The following WDR3 variants were observed in gnomAD, a reference collection of about 807,000 sequenced individuals.
WDR3 encodes WD repeat-containing protein 3.
In WDR3, 81 loss-of-function variants were observed where a neutral mutation model predicts 123.7. That is an observed-to-expected ratio of 0.65 (90% CI 0.55 to 0.79). The LOEUF is 0.79. WDR3 is among the 30% of genes least tolerant of loss of function. WDR3 has a pLI of 0.00. For missense variants in WDR3, 1,027 were observed against 1,123.2 expected (o/e 0.91, Z 1.22); for synonymous variants, 390 against 388.8 (o/e 1.00, Z -0.04).
Position 117,961,566 on chromosome 1 carries a change from T to A in WDR3, c.*2119T>A, listed in dbSNP as rs1452814138. On this transcript the variant is annotated 3_prime_UTR_variant, in exon 27 of 27. Coordinates refer to ENST00000349139, the MANE Select transcript of WDR3 (RefSeq NM_006784.3). The stretch of plus-strand genomic sequence containing the variant: ...GTTGTTAATCCCAAAGATTTAAAAC[T>A]ATGGTTTCTGTCTGAATTTGGTCAT... 6.6e-6 allele frequency: 1 copy of A among 152,228 alleles called. No individual in the cohort carries two copies. The highest frequency in any genetic ancestry group is 1.5e-5 in the Non-Finnish European group (1 of 68,032). The allele number at this position is 152,228 out of a possible 1,614,324, so 9.4% of individuals were successfully genotyped here.
intron 16 of WDR3, among the ~76,000 whole-genome samples, chr1:117,951,713 G>C (rs1220495118): frequency 6.6e-6 from 1 of 152,000 alleles, no homozygotes; most frequent in East Asian, 1.9e-4. Flanking sequence ...GAAGTAAATA[G>C]ATAACCCTAT....
At chr1:117,936,997 T>C (rs960877070) in intron 4 of WDR3, 110 bp downstream of exon 4, 12 of 765,258 alleles carry the variant, frequency 1.6e-5, no homozygotes, top group African/African-American at 1.4e-4. Flanking sequence ...GCATTAGTTT[T>C]CTCTCCTGTT....
rs375916593 is a variant in WDR3 at position 117,939,681 on chromosome 1, C to A, written c.675+109C>A. 173 of 1,057,204 alleles carry A rather than the reference C, an allele frequency of 1.6e-4. 2 individuals are homozygous for A. In the East Asian group the frequency reaches 1.9e-3, roughly 12 times the overall value. The allele number at this position is 1,057,204 out of a possible 1,614,324, so 65.5% of individuals were successfully genotyped here. On this transcript the variant is annotated intron_variant, in intron 6 of 26. Transcript: ENST00000349139. The stretch of plus-strand genomic sequence containing the variant: ...ACTTCACATCATATTAGAAGGAATT[C>A]TATCACACCAATAACCTGCAACACT...
rs1392496135 is a variant in WDR3 at position 117,961,623 on chromosome 1, A to G, written c.*2176A>G. The G allele has an allele frequency of 1.3e-5, 2 of 152,058 alleles. No individual in the cohort carries two copies. Among genetic ancestry groups the G allele is most frequent in the African/African-American group, 4.8e-5 (2 of 41,392 alleles). The allele number at this position is 152,058 out of a possible 1,614,324, so 9.4% of individuals were successfully genotyped here. On this transcript the variant is annotated 3_prime_UTR_variant, in exon 27 of 27. Transcript: ENST00000349139. ...CAAGTTACTGTGTTGTGGGGCCACC[A>G]TTTTCTTCTAGGCTCAGATATGCAG...
Position 117,940,853 on chromosome 1 carries a change from C to T in WDR3, c.702C>T (p.Pro234=). Residue 234 remains proline, a synonymous_variant, in exon 7 of 27, where the codon CCC becomes CCT. Transcript: ENST00000349139. Reference sequence around the variant, plus strand: ...TTGAAGACCCGGAAGAACCAGACCCCAAGAAAATCAAAGGATCTTCTCCTG... The same window carrying T: ...TTGAAGACCCGGAAGAACCAGACCCTAAGAAAATCAAAGGATCTTCTCCTG... ...QEIEDPEEPD[P]KKIKGSSPGI... The T allele has an allele frequency of 6.2e-7, 1 of 1,613,550 alleles. No homozygotes were observed. The highest frequency in any genetic ancestry group is 8.5e-7 in the Non-Finnish European group (1 of 1,179,882).
Position 117,952,984 on chromosome 1 carries a change from A to C in WDR3, c.2190A>C (p.Glu730Asp). 6.2e-7 allele frequency: 1 copy of C among 1,613,166 alleles called. No homozygotes were observed. Among genetic ancestry groups the C allele is most frequent in the South Asian group, 1.1e-5 (1 of 91,030 alleles). ...EAEYEESVAKEDQPAVPGETQ... is the reference protein window; with the variant it reads ...EAEYEESVAKDDQPAVPGETQ... ...AATATGAGGAGAGTGTGGCCAAAGA[A>C]GACCAACCAGCAGTAAGTAAATTTT... Residue 730 changes from glutamate (E) to aspartate (D), a missense_variant, in exon 20 of 27, where the codon GAA becomes GAC. Glu to Asp is a conservative substitution (Grantham distance 45). Coordinates refer to ENST00000349139, the MANE Select transcript of WDR3 (RefSeq NM_006784.3).
intron 3 of WDR3, among the ~76,000 whole-genome samples, chr1:117,936,533 A>C (rs1440283307): frequency 6.6e-6 from 1 of 152,184 alleles, no homozygotes; most frequent in Admixed American, 6.5e-5. Flanking sequence ...TTAGTCTTCT[A>C]ATAGGAAAAT....
chr1:117,948,569 G>A (rs1180207385), intron 13 of WDR3, 63 bp downstream of exon 13: 13 of 1,275,684 alleles, frequency 1.0e-5, no homozygotes, highest in Middle Eastern at 2.3e-4. Flanking sequence ...TTTCTCTCAG[G>A]GTTTCTTTAA....
intron 13 of WDR3, among the ~76,000 whole-genome samples, chr1:117,949,168 A>G (rs1651512257): frequency 6.6e-6 from 1 of 152,134 alleles, no homozygotes; most frequent in African/African-American, 2.4e-5. Context: ...TAAATCTTGC[A>G]TTTGTAGAGT....
chr1:117,940,848 G>A lies in WDR3; in HGVS notation c.697G>A (p.Asp233Asn), dbSNP rs1251139096. Residue 233 changes from aspartate to asparagine, a missense_variant, in exon 7 of 27, where the codon GAC (aspartate) becomes AAC (asparagine). By Grantham distance (23) the Asp-to-Asn change is conservative. Transcript: ENST00000349139. Reference protein sequence around the residue: ...LQEIEDPEEPDPKKIKGSSPG... With the variant: ...LQEIEDPEEPNPKKIKGSSPG... ...ACAGATTGAAGACCCGGAAGAACCA[G>A]ACCCCAAGAAAATCAAAGGATCTTC... 6.2e-7 allele frequency: 1 copy of A among 1,613,336 alleles called. No individual in the cohort carries two copies. Among genetic ancestry groups the A allele is most frequent in the Non-Finnish European group, 8.5e-7 (1 of 1,179,872 alleles).
intron 13 of WDR3, 94 bp downstream of exon 13, chr1:117,948,600 T>C: frequency 1.1e-6 from 1 of 918,162 alleles, no homozygotes; most frequent in Non-Finnish European, 1.6e-6. Flanking sequence ...AGGTTTTTTT[T>C]TTTTTTTGGT....
At position 117,966,426 on chromosome 1, in the gene WDR3, A is replaced by T. The variant is rs570470151; in HGVS notation, c.*6979A>T. On this transcript the variant is annotated 3_prime_UTR_variant, in exon 27 of 27. Transcript: ENST00000349139. ...ACTGCACATATACTATGTGTCAGGT[A>T]TTTTTTTAGATTTGGCTAGGTGCTT... The T allele has an allele frequency of 3.9e-6, 2 of 508,290 alleles. No homozygotes were observed. Among genetic ancestry groups the T allele is most frequent in the South Asian group, 9.3e-5 (2 of 21,474 alleles). The allele number at this position is 508,290 out of a possible 1,614,324, so 31.5% of individuals were successfully genotyped here.
At chr1:117,936,919 T>C (rs1258822320) in intron 4 of WDR3, 32 bp downstream of exon 4, 1 of 1,583,010 alleles carries the variant, frequency 6.3e-7, no homozygotes, top group Non-Finnish European at 8.7e-7. Context: ...TTCCAGTTAT[T>C]TTCTAGGAAG....
intron 1 of WDR3, among the ~76,000 whole-genome samples, chr1:117,932,974 C>G (rs886666754): frequency 1.3e-5 from 2 of 149,724 alleles, no homozygotes; most frequent in Non-Finnish European, 3.0e-5. Context: ...GCGGATGGAT[C>G]ACTTGAGGTG....
At chr1:117,932,600 T>A (rs576688586) in intron 1 of WDR3, among the ~76,000 whole-genome samples, 4 of 152,288 alleles carry the variant, frequency 2.6e-5, no homozygotes, top group African/African-American at 9.6e-5. Context: ...GTCTAATTGG[T>A]AGGTTTTCAA....
At chr1:117,953,644 A>C (rs1297219634) in intron 21 of WDR3, 103 bp downstream of exon 21, 1 of 1,132,558 alleles carries the variant, frequency 8.8e-7, no homozygotes, top group Non-Finnish European at 1.3e-6. Context: ...TTTGGCAAAA[A>C]GTTGATGAGA....
rs1180146382 is a variant in WDR3, at chr1:117,960,130, G to GTT, written c.*684_*685insTT. On this transcript the variant is annotated 3_prime_UTR_variant, in exon 27 of 27. Transcript: ENST00000349139. ...CACTCGTGTGTGTGTGTGTGTGTGT[G>GTT]TGTGTGTGTGTGTGTGTATGTGTAT... is the stretch of plus-strand genomic sequence containing the variant. The GTT allele has an allele frequency of 6.8e-6, 1 of 147,758 alleles. No homozygotes were observed. Among genetic ancestry groups the GTT allele is most frequent in the East Asian group, 2.0e-4 (1 of 5,106 alleles). The allele number at this position is 147,758 out of a possible 1,614,324, so 9.2% of individuals were successfully genotyped here.
intron 4 of WDR3, 95 bp from the exon 5 acceptor site, chr1:117,938,385 T>A (rs1158450191): frequency 5.3e-6 from 5 of 942,522 alleles, no homozygotes; most frequent in Non-Finnish European, 8.1e-6. Context: ...GAAGCATATG[T>A]TCCTTTTAAA....
In WDR3 at chr1:117,959,557, C is replaced by T; in HGVS notation, c.*110C>T. The T allele has an allele frequency of 8.5e-7, 1 of 1,181,628 alleles. No homozygotes were observed. The highest frequency in any genetic ancestry group is 1.1e-6 in the Non-Finnish European group (1 of 878,064). The allele number at this position is 1,181,628 out of a possible 1,614,324, so 73.2% of individuals were successfully genotyped here. Reference sequence around the variant, plus strand: ...AAAAATACCAAATAACAGAAGATCGCATTGCAGATGATATCAGGATGTGGT... The same window carrying T: ...AAAAATACCAAATAACAGAAGATCGTATTGCAGATGATATCAGGATGTGGT... On this transcript the variant is annotated 3_prime_UTR_variant, in exon 27 of 27. Transcript: ENST00000349139.
Sources: gnomAD v4.1 joint callset for allele counts (sites outside exome capture counted in the v4.1 genomes callset) on GRCh38, gnomAD v4.1.1 for gene constraint, MANE v1.5 for transcripts, NCBI Gene and HGNC (gene_info 2026-07-23, HGNC 2026-07-21) for gene names.